Variants in CHST8 observed in about 807,000 individuals in gnomAD.
CHST8 encodes the protein carbohydrate sulfotransferase 8.
Under a neutral mutation model 15.0 loss-of-function variants are expected in CHST8, and 10 were observed. The observed-to-expected ratio is 0.67, with a 90% confidence interval of 0.41 to 1.13. The LOEUF (loss-of-function observed/expected upper bound fraction) is 1.13, where lower values mean the gene tolerates loss of function less well. CHST8 is among the 50% of genes most tolerant of loss of function. The probability of loss-of-function intolerance (pLI) is 0.00; values close to 1 mark genes in which losing one functional copy is unlikely to be tolerated. For missense variants in CHST8, 634 were observed against 608.2 expected (o/e 1.04, Z -0.45); for synonymous variants, 259 against 256.6 (o/e 1.01, Z -0.09).
intron 3 of CHST8, among the ~76,000 whole-genome samples, chr19:33,694,038 A>G (rs1470638687): frequency 6.9e-6 from 1 of 144,826 alleles, no homozygotes; most frequent in Admixed American, 6.9e-5. Context: ...TGGTTTATTC[A>G]TAGATATGTA....
intron 1 of CHST8, among the ~76,000 whole-genome samples, chr19:33,655,229 G>T (rs945200735): frequency 6.6e-6 from 1 of 152,114 alleles, no homozygotes; most frequent in African/African-American, 2.4e-5. Context: ...TAGAGACAGG[G>T]TTTTGCCATG....
intron 3 of CHST8, among the ~76,000 whole-genome samples, chr19:33,710,790 A>G (rs58326344): frequency 0.029 from 4,375 of 152,186 alleles, 152 homozygotes; most frequent in African/African-American, 0.08. Context: ...CCAGGCTACA[A>G]TGCCATAACC....
chr19:33,643,367 TA>T (rs200143659), intron 1 of CHST8, among the ~76,000 whole-genome samples: 3 of 152,014 alleles, frequency 2.0e-5, no homozygotes, highest in Middle Eastern at 3.4e-3. Flanking sequence ...GCATAAATAA[TA>T]AAAAAAAGGC....
chr19:33,686,493 C>T (rs904086920), intron 2 of CHST8, among the ~76,000 whole-genome samples: 5 of 152,200 alleles, frequency 3.3e-5, no homozygotes, highest in Non-Finnish European at 7.4e-5. Flanking sequence ...CTTGTAACCA[C>T]TCTGCAGCGC....
At chr19:33,719,393 T>C (rs2037571634) in intron 3 of CHST8, among the ~76,000 whole-genome samples, 1 of 152,142 alleles carries the variant, frequency 6.6e-6, no homozygotes, top group African/African-American at 2.4e-5. Context: ...ACTGGGTCCT[T>C]GGACACTTCT....
intron 3 of CHST8, among the ~76,000 whole-genome samples, chr19:33,721,897 A>T (rs552368485): frequency 2.7e-5 from 4 of 148,232 alleles, no homozygotes; most frequent in Admixed American, 2.7e-4. Context: ...GAGTGGGTAG[A>T]TGGATGGATG....
intron 2 of CHST8, among the ~76,000 whole-genome samples, chr19:33,678,934 T>C (rs1295785571): frequency 6.6e-6 from 1 of 152,176 alleles, no homozygotes; most frequent in Non-Finnish European, 1.5e-5. Flanking sequence ...TTTTACTAGC[T>C]TCTCTTCATT....
intron 3 of CHST8, among the ~76,000 whole-genome samples, chr19:33,753,543 A>T (rs111212145): frequency 0.14 from 7,906 of 55,036 alleles, 1,010 homozygotes; most frequent in Middle Eastern, 0.19. Flanking sequence ...TCCACCTGCC[A>T]TCTCCTAACC....
chr19:33,640,950 C>G (rs1446291974), intron 1 of CHST8, among the ~76,000 whole-genome samples: 2 of 152,118 alleles, frequency 1.3e-5, no homozygotes, highest in East Asian at 3.9e-4. Flanking sequence ...AGCTCCTTGC[C>G]CAAAGTCACA....
chr19:33,666,755 T>G (rs62103461), intron 1 of CHST8, among the ~76,000 whole-genome samples: 3 of 152,262 alleles, frequency 2.0e-5, no homozygotes, highest in African/African-American at 7.2e-5. Flanking sequence ...CAGGCTGGAG[T>G]GCAGTGGTGT....
At chr19:33,728,337 G>A (rs1041770752) in intron 3 of CHST8, among the ~76,000 whole-genome samples, 2 of 152,240 alleles carry the variant, frequency 1.3e-5, no homozygotes, top group African/African-American at 4.8e-5. Flanking sequence ...TTTTGGGGCG[G>A]CTTCTGTAGC....
At chr19:33,652,068 T>A (rs1234794885) in intron 1 of CHST8, among the ~76,000 whole-genome samples, 2 of 152,156 alleles carry the variant, frequency 1.3e-5, no homozygotes, top group Admixed American at 1.3e-4. Context: ...TTTGACTATA[T>A]TTTTTTGTAA....
intron 1 of CHST8, among the ~76,000 whole-genome samples, chr19:33,665,487 G>T (rs1178852388): frequency 6.6e-6 from 1 of 152,094 alleles, no homozygotes. Flanking sequence ...TGGAGGGTGT[G>T]GTCCATGGGC....
chr19:33,634,066 C>T (rs929563341), intron 1 of CHST8, among the ~76,000 whole-genome samples: 4 of 151,668 alleles, frequency 2.6e-5, no homozygotes, highest in African/African-American at 7.3e-5. Flanking sequence ...GCGATCCTCC[C>T]GCCTTGGCCT....
At chr19:33,659,810 A>T (rs1972562508) in intron 1 of CHST8, among the ~76,000 whole-genome samples, 2 of 150,618 alleles carry the variant, frequency 1.3e-5, no homozygotes, top group Admixed American at 1.3e-4. Flanking sequence ...GACCCTGTTT[A>T]AAAAAAAAAT....
chr19:33,626,783 C>CTTTTTTTTTTTT (rs373066494), intron 1 of CHST8, among the ~76,000 whole-genome samples: 1 of 133,480 alleles, frequency 7.5e-6, no homozygotes, highest in Non-Finnish European at 1.6e-5. Context: ...TTTTTTTTTC[C>CTTTTTTTTTTTT]TTTTTTTTTT....
chr19:33,725,614 C>T (rs772585693), intron 3 of CHST8, among the ~76,000 whole-genome samples: 2 of 152,218 alleles, frequency 1.3e-5, no homozygotes, highest in African/African-American at 4.8e-5. Flanking sequence ...GCGAAAGATA[C>T]TCTTTCTCCC....
At chr19:33,653,620 G>T (rs997948678) in intron 1 of CHST8, among the ~76,000 whole-genome samples, 1 of 152,146 alleles carries the variant, frequency 6.6e-6, no homozygotes. Flanking sequence ...AAAGCACGGT[G>T]GTTAAGAACA....
intron 3 of CHST8, among the ~76,000 whole-genome samples, chr19:33,754,884 A>G (rs946867648): frequency 1.3e-5 from 2 of 152,206 alleles, no homozygotes; most frequent in Non-Finnish European, 2.9e-5. Flanking sequence ...CTGCAGGGCC[A>G]GGTCTTGATG....
Sources: allele counts gnomAD v4.1 joint callset (sites outside exome capture counted in the v4.1 genomes callset), GRCh38; gene constraint gnomAD v4.1.1; transcripts MANE v1.5; gene names NCBI Gene and HGNC (gene_info 2026-07-23, HGNC 2026-07-21).